UNC13C: variants seen among roughly 807,000 people sequenced by gnomAD.
UNC13C encodes the protein unc-13 homolog C, also known as protein unc-13 homolog C.
A neutral mutation model predicts 245.4 loss-of-function variants in UNC13C; 174 were observed. That is an observed-to-expected ratio of 0.71 (90% CI 0.63 to 0.80). UNC13C has a LOEUF of 0.80. UNC13C is among the 30% of genes least tolerant of loss of function. The pLI is 0.00. For missense variants in UNC13C, 2,829 were observed against 2,602.9 expected (o/e 1.09, Z -1.89); for synonymous variants, 992 against 895.1 (o/e 1.11, Z -1.93).
At chr15:53,951,057 T>C in the UNC13C span, among the ~76,000 whole-genome samples, 1 of 152,222 alleles carries the variant, frequency 6.6e-6, no homozygotes, top group Non-Finnish European at 1.5e-5. Flanking sequence ...TTTCTTAAAC[T>C]GTAAAATATG....
At chr15:54,502,284 C>T (rs1421172903) in intron 22 of UNC13C, among the ~76,000 whole-genome samples, 1 of 152,004 alleles carries the variant, frequency 6.6e-6, no homozygotes, top group Admixed American at 6.6e-5. Flanking sequence ...ATGACAAAGT[C>T]AAATGTTATA....
the UNC13C span, among the ~76,000 whole-genome samples, chr15:53,949,526 T>C: frequency 1.3e-5 from 2 of 152,358 alleles, no homozygotes; most frequent in African/African-American, 4.8e-5. Flanking sequence ...TCATTTTTGC[T>C]TCTATTTCTC....
At chr15:54,038,140 T>TTTTTTTTTTTTTTTTTTTC (rs1555406257) in intron 2 of UNC13C, among the ~76,000 whole-genome samples, 1 of 127,606 alleles carries the variant, frequency 7.8e-6, no homozygotes, top group African/African-American at 3.2e-5. Context: ...TTTTTTTTTT[T>TTTTTTTTTTTTTTTTTTTC]CCTGAGACAG....
rs145375912 is a variant in UNC13C, at chr15:54,089,104, G to A, written c.2984-53914G>A. Among the ~76,000 whole-genome samples, 31 of 152,178 alleles carry A rather than the reference G, an allele frequency of 2.0e-4. No individual in the cohort carries two copies. In the East Asian group the frequency reaches 6.0e-3, roughly 29 times the overall value. On this transcript the variant is annotated intron_variant, in intron 2 of 32. Coordinates refer to ENST00000260323, the MANE Select transcript of UNC13C (RefSeq NM_001080534.3). Reference sequence around the variant, plus strand: ...GTGCTTACCCCTCTGCCTCTTTCATGCCTCCTGCATGCTCCTGCTTTGATA... The same window carrying A: ...GTGCTTACCCCTCTGCCTCTTTCATACCTCCTGCATGCTCCTGCTTTGATA...
chr15:53,911,437 A>G, the UNC13C span: 46 of 152,330 alleles, frequency 3.0e-4, no homozygotes, highest in African/African-American at 1.1e-3. Context: ...CGCAGGCGAG[A>G]TCCCAGGACC....
chr15:54,283,778 T>C (rs1469442150), intron 10 of UNC13C, among the ~76,000 whole-genome samples: 1 of 152,018 alleles, frequency 6.6e-6, no homozygotes, highest in East Asian at 1.9e-4. Flanking sequence ...TTATCATTAC[T>C]TCAGTTTTAT....
chr15:54,186,677 C>T (rs2033994849), intron 4 of UNC13C, among the ~76,000 whole-genome samples: 1 of 151,656 alleles, frequency 6.6e-6, no homozygotes, highest in South Asian at 2.1e-4. Context: ...TGGATCAATA[C>T]CCACTCCATG....
chr15:54,292,346 C>G (rs2037319424), intron 10 of UNC13C, among the ~76,000 whole-genome samples: 1 of 151,880 alleles, frequency 6.6e-6, no homozygotes, highest in African/African-American at 2.4e-5. Context: ...GGTGGGGTAT[C>G]TAAATCTCTA....
chr15:54,295,480 T>A (rs2037403680), intron 11 of UNC13C, among the ~76,000 whole-genome samples: 1 of 151,946 alleles, frequency 6.6e-6, no homozygotes. Context: ...GAGACCCATC[T>A]CTACCAAAAA....
intron 19 of UNC13C, chr15:54,416,972 T>C (rs1294784163): frequency 2.2e-6 from 1 of 456,488 alleles, no homozygotes; most frequent in African/African-American, 2.0e-5. Context: ...TAAGCAGCCA[T>C]GGAGGGCTCA....
intron 20 of UNC13C, 80 bp downstream of exon 20, chr15:54,494,814 A>G: frequency 1.3e-6 from 2 of 1,490,106 alleles, no homozygotes; most frequent in Non-Finnish European, 9.1e-7. Flanking sequence ...GTGTACCACT[A>G]AAATCTCTTC....
intron 19 of UNC13C, among the ~76,000 whole-genome samples, chr15:54,455,164 C>CCTCTCTCTCTCTCTGTCTGT (rs1891405958): frequency 5.7e-5 from 1 of 17,516 alleles, no homozygotes; most frequent in East Asian, 2.1e-3. Flanking sequence ...GAGTCATATT[C>CCTCTCTCTCTCTCTGTCTGT]CTCTCTCTCT....
At chr15:54,234,653 G>A (rs1000400810) in intron 4 of UNC13C, among the ~76,000 whole-genome samples, 5 of 152,100 alleles carry the variant, frequency 3.3e-5, no homozygotes, top group Admixed American at 2.6e-4. Context: ...AATTTATTTA[G>A]CACCATAGCC....
intron 19 of UNC13C, among the ~76,000 whole-genome samples, chr15:54,467,616 T>A (rs182934357): frequency 6.6e-6 from 1 of 151,772 alleles, no homozygotes; most frequent in Non-Finnish European, 1.5e-5. Context: ...TTCACTAATA[T>A]ATCCCCTTCT....
downstream of UNC13C, chr15:54,631,024 A>G (rs1566951369): frequency 6.6e-6 from 1 of 152,146 alleles, no homozygotes; most frequent in Non-Finnish European, 1.5e-5. Context: ...ATCGATGAAA[A>G]TAAAGTAATG....
chr15:54,281,218 T>C (rs377677052), intron 10 of UNC13C, among the ~76,000 whole-genome samples: 2 of 152,200 alleles, frequency 1.3e-5, no homozygotes, highest in East Asian at 3.9e-4. Context: ...AACTTTTATA[T>C]CCACAATTTT....
chr15:54,191,568 T>C (rs902097560), intron 4 of UNC13C, among the ~76,000 whole-genome samples: 13 of 152,150 alleles, frequency 8.5e-5, no homozygotes, highest in African/African-American at 3.1e-4. Context: ...ATATACCCAG[T>C]AAATGGGATT....
intron 4 of UNC13C, among the ~76,000 whole-genome samples, chr15:54,219,395 T>C (rs2035148780): frequency 1.3e-5 from 2 of 152,306 alleles, no homozygotes; most frequent in South Asian, 2.1e-4. Flanking sequence ...TGGCCAGCCA[T>C]ATGTAGAAAG....
intron 2 of UNC13C, among the ~76,000 whole-genome samples, chr15:54,022,175 G>A (rs1380983124): frequency 6.6e-6 from 1 of 152,188 alleles, no homozygotes; most frequent in East Asian, 1.9e-4. Context: ...TTTCTGAAAT[G>A]GCCGTGCTAA....
Sources: gnomAD v4.1 joint callset for allele counts (sites outside exome capture counted in the v4.1 genomes callset) on GRCh38, gnomAD v4.1.1 for gene constraint, MANE v1.5 for transcripts, NCBI Gene and HGNC (gene_info 2026-07-23, HGNC 2026-07-21) for gene names.